The following CWC27 variants were observed in gnomAD, a reference collection of about 807,000 sequenced individuals.
CWC27 encodes the protein CWC27 spliceosome associated cyclophilin, also known as spliceosome-associated protein CWC27 homolog.
In CWC27, 47 loss-of-function variants were observed where a neutral mutation model predicts 63.6. The ratio of observed to expected loss-of-function variants is 0.74; its 90% CI spans 0.58 to 0.94. CWC27 has a LOEUF of 0.94. Among genes scored for constraint, CWC27 ranks in the 40% least tolerant of loss-of-function variants. The probability of loss-of-function intolerance (pLI) is 0.00; values close to 1 mark genes in which losing one functional copy is unlikely to be tolerated. For synonymous variants in CWC27, 175 were observed against 179.8 expected (o/e 0.97, Z 0.22); for missense variants, 495 against 554.3 (o/e 0.89, Z 1.07).
intron 13 of CWC27, among the ~76,000 whole-genome samples, chr5:65,013,416 C>G (rs1217462980): frequency 6.6e-6 from 1 of 152,208 alleles, no homozygotes; most frequent in Non-Finnish European, 1.5e-5. Flanking sequence ...TTATTCCCAA[C>G]ACAAATCACC....
intron 10 of CWC27, among the ~76,000 whole-genome samples, chr5:64,883,479 C>G (rs1376465468): frequency 6.6e-6 from 1 of 151,898 alleles, no homozygotes; most frequent in Non-Finnish European, 1.5e-5. Flanking sequence ...AGAAAAATGT[C>G]AACAATTATA....
intron 3 of CWC27, among the ~76,000 whole-genome samples, chr5:64,782,504 A>G (rs1195540435): frequency 7.6e-6 from 1 of 130,874 alleles, no homozygotes; most frequent in Non-Finnish European, 1.7e-5. Flanking sequence ...AGATGCATTA[A>G]TCAAGAACAG....
rs1437590442 is a variant in CWC27 at position 64,782,531 on chromosome 5, C to G, written c.252+498C>G. Among the ~76,000 whole-genome samples, 5 of 151,394 alleles carry G rather than the reference C, an allele frequency of 3.3e-5. No homozygotes were observed. In the East Asian group the frequency reaches 9.6e-4, roughly 29 times the overall value. The stretch of plus-strand genomic sequence containing the variant: ...CAAGAACAGGTCAGTGATTTCTTAA[C>G]TGCCAACATAGATCTAAGAAGAAAA... On this transcript the variant is annotated intron_variant, in intron 3 of 13. Coordinates refer to ENST00000381070, the MANE Select transcript of CWC27 (RefSeq NM_005869.4).
In CWC27 at chr5:64,835,084, C is replaced by T. The variant is rs577119196; in HGVS notation, c.938+30698C>T. Among the ~76,000 whole-genome samples, 14 of 151,634 alleles carry T rather than the reference C, an allele frequency of 9.2e-5. 1 individual carries two copies. The highest frequency in any genetic ancestry group is 6.8e-3 in the Middle Eastern group (2 of 294). ...ATTTTATAAAAAATATTTTTTCTTA[C>T]GGGTTTTACATTTATAAGGGTAATT... On this transcript the variant is annotated intron_variant, in intron 10 of 13. Transcript: ENST00000381070.
chr5:64,842,907 C>A (rs186450302), intron 10 of CWC27, among the ~76,000 whole-genome samples: 45 of 152,264 alleles, frequency 3.0e-4, no homozygotes, highest in African/African-American at 1.1e-3. Flanking sequence ...CGGCCTTTTT[C>A]AAGTTCTAAT....
intron 10 of CWC27, among the ~76,000 whole-genome samples, chr5:64,860,916 C>T (rs1392720198): frequency 6.6e-6 from 1 of 152,078 alleles, no homozygotes; most frequent in Non-Finnish European, 1.5e-5. Flanking sequence ...TGACCTCAAA[C>T]TCAGTAACTA....
intron 10 of CWC27, among the ~76,000 whole-genome samples, chr5:64,884,694 A>G (rs1045573454): frequency 1.3e-5 from 2 of 152,198 alleles, no homozygotes; most frequent in Non-Finnish European, 2.9e-5. Flanking sequence ...AGTTACAAGT[A>G]ACCCTAAGGG....
intron 11 of CWC27, among the ~76,000 whole-genome samples, chr5:64,946,036 A>G (rs1009065007): frequency 1.3e-5 from 2 of 152,126 alleles, no homozygotes; most frequent in Admixed American, 1.3e-4. Context: ...TTGCTATCAG[A>G]TTTCTCCACA....
chr5:64,931,662 C>T (rs147557138), intron 11 of CWC27, among the ~76,000 whole-genome samples: 3 of 152,072 alleles, frequency 2.0e-5, no homozygotes, highest in East Asian at 3.9e-4. Context: ...AAACTACTCA[C>T]GACTCAGAAG....
chr5:64,838,452 C>T (rs1364199140), intron 10 of CWC27, among the ~76,000 whole-genome samples: 1 of 152,182 alleles, frequency 6.6e-6, no homozygotes, highest in Non-Finnish European at 1.5e-5. Flanking sequence ...TACTATGTCA[C>T]TGCCCTTTTT....
intron 10 of CWC27, among the ~76,000 whole-genome samples, chr5:64,862,703 A>G (rs74472897): frequency 6.6e-6 from 1 of 152,112 alleles, no homozygotes; most frequent in Admixed American, 6.6e-5. Context: ...AATTTTTTTT[A>G]GTCTCTTGAG....
chr5:65,007,856 C>T (rs555418156), intron 13 of CWC27, among the ~76,000 whole-genome samples: 29 of 152,214 alleles, frequency 1.9e-4, no homozygotes, highest in African/African-American at 6.7e-4. Flanking sequence ...TCTCAATCTC[C>T]TGACCTCGTG....
intron 13 of CWC27, among the ~76,000 whole-genome samples, chr5:64,991,669 T>A (rs1159855156): frequency 6.6e-6 from 1 of 152,196 alleles, no homozygotes; most frequent in Admixed American, 6.5e-5. Context: ...GAGGTTACAG[T>A]GAGCTATGAT....
intron 10 of CWC27, among the ~76,000 whole-genome samples, chr5:64,880,091 C>T (rs946825110): frequency 2.6e-5 from 4 of 151,966 alleles, no homozygotes; most frequent in African/African-American, 7.2e-5. Context: ...CATCACAGTT[C>T]ACATGCTTCC....
At chr5:64,833,485 A>T (rs1193648370) in intron 10 of CWC27, among the ~76,000 whole-genome samples, 1 of 151,698 alleles carries the variant, frequency 6.6e-6, no homozygotes, top group African/African-American at 2.4e-5. Flanking sequence ...AATGTCCTTG[A>T]GAGGTATTTG....
At chr5:64,804,450 T>C in intron 10 of CWC27, 64 bp downstream of exon 10, 2 of 1,408,690 alleles carry the variant, frequency 1.4e-6, no homozygotes, top group Non-Finnish European at 9.5e-7. Flanking sequence ...TTAATTCAGA[T>C]TGAATCCTCT....
intron 11 of CWC27, among the ~76,000 whole-genome samples, chr5:64,949,186 C>T (rs1748652502): frequency 6.6e-6 from 1 of 151,634 alleles, no homozygotes; most frequent in African/African-American, 2.4e-5. Context: ...TGTTATTTTA[C>T]TTTGCAAATA....
intron 13 of CWC27, among the ~76,000 whole-genome samples, chr5:64,988,304 G>A (rs1016479912): frequency 1.3e-5 from 2 of 152,102 alleles, no homozygotes; most frequent in African/African-American, 2.4e-5. Context: ...ATTAGCATCT[G>A]TTGATTGTCT....
chr5:64,952,296 A>G (rs1315912063), intron 11 of CWC27, among the ~76,000 whole-genome samples: 1 of 152,056 alleles, frequency 6.6e-6, no homozygotes, highest in East Asian at 1.9e-4. Context: ...GGTTGAATCT[A>G]TGGATACAGA....
Sources: allele counts gnomAD v4.1 joint callset (sites outside exome capture counted in the v4.1 genomes callset), GRCh38; gene constraint gnomAD v4.1.1; transcripts MANE v1.5; gene names NCBI Gene and HGNC (gene_info 2026-07-23, HGNC 2026-07-21).